The following ASH1L variants were observed in gnomAD, a reference collection of about 807,000 sequenced individuals.
ASH1L encodes the protein histone-lysine N-methyltransferase ASH1L.
In ASH1L, 23 loss-of-function variants were observed where a neutral mutation model predicts 269.0. That is an observed-to-expected ratio of 0.09 (90% CI 0.06 to 0.12). The LOEUF is 0.12. Ranked by LOEUF, ASH1L falls within the 10% of genes least tolerant of loss-of-function variation. The pLI is 1.00. For synonymous variants in ASH1L, 1,187 were observed against 1,253.5 expected, an observed-to-expected ratio of 0.95 and a Z score of 1.12; for missense variants, 2,912 against 3,567.8, an observed-to-expected ratio of 0.82 and a Z score of 4.68.
intron 25 of ASH1L, among the ~76,000 whole-genome samples, chr1:155,340,672 G>GA (rs1287632076): frequency 6.6e-6 from 1 of 151,586 alleles, no homozygotes; most frequent in East Asian, 1.9e-4. Context: ...CAATTTGAAA[G>GA]AAAAAATACC....
At chr1:155,547,667 G>A (rs544796872) in intron 1 of ASH1L, among the ~76,000 whole-genome samples, 14 of 151,958 alleles carry the variant, frequency 9.2e-5, no homozygotes, top group Middle Eastern at 3.4e-3. Context: ...AGGTTGTGGT[G>A]AGCTGAGATC....
chr1:155,357,465 T>C, intron 14 of ASH1L, 55 bp from the exon 15 acceptor site: 13 of 1,592,696 alleles, frequency 8.2e-6, no homozygotes, highest in Non-Finnish European at 1.0e-5. Flanking sequence ...TCAGAAATAA[T>C]CTCCAAGAAT....
chr1:155,541,273 A>G (rs1670409548), intron 1 of ASH1L, among the ~76,000 whole-genome samples: 1 of 152,172 alleles, frequency 6.6e-6, no homozygotes, highest in Non-Finnish European at 1.5e-5. Context: ...ACGTGTATAT[A>G]GATAAAAGAG....
chr1:155,377,234 T>G (rs1211375818), intron 10 of ASH1L, among the ~76,000 whole-genome samples: 1 of 152,146 alleles, frequency 6.6e-6, no homozygotes, highest in Non-Finnish European at 1.5e-5. Context: ...TCCAATTCAG[T>G]TAGATTCCAC....
At chr1:155,368,835 G>A (rs1222312235) in intron 12 of ASH1L, among the ~76,000 whole-genome samples, 1 of 152,158 alleles carries the variant, frequency 6.6e-6, no homozygotes, top group Non-Finnish European at 1.5e-5. Flanking sequence ...AAACAAACTG[G>A]TAAATTCACA....
chr1:155,504,426 T>C (rs1053572523), intron 2 of ASH1L, among the ~76,000 whole-genome samples: 9 of 152,162 alleles, frequency 5.9e-5, no homozygotes, highest in Non-Finnish European at 1.2e-4. Flanking sequence ...TGCAGTTCTG[T>C]AAGATAAAGA....
At chr1:155,397,698 C>CG (rs1658481104) in intron 6 of ASH1L, among the ~76,000 whole-genome samples, 1 of 151,896 alleles carries the variant, frequency 6.6e-6, no homozygotes. Context: ...TTACAGATGC[C>CG]AACTACTGGG....
intron 2 of ASH1L, among the ~76,000 whole-genome samples, chr1:155,485,428 C>G (rs1666275014): frequency 6.6e-6 from 1 of 152,154 alleles, no homozygotes; most frequent in African/African-American, 2.4e-5. Context: ...AAGCCATCCT[C>G]CCCCCGCTCA....
chr1:155,446,297 T>TA (rs1337506543), intron 4 of ASH1L, among the ~76,000 whole-genome samples: 11 of 150,436 alleles, frequency 7.3e-5, no homozygotes, highest in Non-Finnish European at 1.6e-4. Flanking sequence ...ATTAATTAAT[T>TA]AAATTTTTTT....
At chr1:155,347,927 T>C in intron 19 of ASH1L, 23 bp from the exon 20 acceptor site, 6 of 1,611,318 alleles carry the variant, frequency 3.7e-6, no homozygotes, top group Non-Finnish European at 5.1e-6. Context: ...AATAAAGAAA[T>C]CATGTTTGGT....
At chr1:155,492,921 T>C (rs1432975266) in intron 2 of ASH1L, among the ~76,000 whole-genome samples, 1 of 152,072 alleles carries the variant, frequency 6.6e-6, no homozygotes, top group East Asian at 1.9e-4. Context: ...CCCCCCAAGC[T>C]CTAGCCAACA....
chr1:155,416,929 T>C (rs1660259024), intron 5 of ASH1L, among the ~76,000 whole-genome samples: 1 of 149,776 alleles, frequency 6.7e-6, no homozygotes. Flanking sequence ...TCTTTCCTTT[T>C]CTTTTTTTTT....
chr1:155,513,586 A>G (rs540252698), intron 2 of ASH1L, among the ~76,000 whole-genome samples: 1 of 151,990 alleles, frequency 6.6e-6, no homozygotes, highest in African/African-American at 2.4e-5. Context: ...AAAAAAAAAA[A>G]AAAGAATTAC....
chr1:155,463,586 C>T (rs1570891722), intron 3 of ASH1L, among the ~76,000 whole-genome samples: 1 of 151,796 alleles, frequency 6.6e-6, no homozygotes, highest in African/African-American at 2.4e-5. Flanking sequence ...TGAGTTCAGG[C>T]GTTCAAGACT....
At position 155,395,439 on chromosome 1, in the gene ASH1L, T is replaced by C. The variant is rs369687438; in HGVS notation, c.6103+20A>G. 8 of 1,557,214 alleles carry C rather than the reference T, an allele frequency of 5.1e-6. No homozygotes were observed. The African/African-American group carries it at 1.1e-4, about 21-fold the overall frequency. On this transcript the variant is annotated intron_variant, in intron 7 of 27. Coordinates refer to ENST00000392403, the MANE Select transcript of ASH1L (RefSeq NM_018489.3). Reference sequence around the variant, plus strand: ...ATACTGTTTCTTCTCAGCAATACATTGTGTGGACTCGGTACTTACCAACAT... The same window carrying C: ...ATACTGTTTCTTCTCAGCAATACATCGTGTGGACTCGGTACTTACCAACAT...
At chr1:155,347,622 G>A (rs770029846) in intron 20 of ASH1L, 34 bp downstream of exon 20, 24 of 1,610,950 alleles carry the variant, frequency 1.5e-5, no homozygotes, top group Non-Finnish European at 1.8e-5. Context: ...GTGTTCATCA[G>A]GACCAAGCTT....
rs747316217 is a variant in ASH1L, at chr1:155,481,852, T to G, written c.1018A>C (p.Lys340Gln). 6.2e-7 allele frequency: 1 copy of G among 1,614,180 alleles called. No individual in the cohort carries two copies. The highest frequency in any genetic ancestry group is 1.1e-5 in the South Asian group (1 of 91,074). ...GGAACAATACCAATTCCTAGCTTCT[T>G]TCCTGAATCTTTGCTTAGCAGTCCT... The part of the protein sequence containing the change: ...TVGLLSKDSG[K>Q]KLGIGIVPGL... Residue 340 changes from lysine to glutamine, a missense_variant, in exon 3 of 28, where the codon AAG becomes CAG. Around this residue, in one of 13 missense-constraint regions of ASH1L, gnomAD observed 277 missense variants for 367.7 expected, o/e 0.75. Coordinates refer to ENST00000392403, the MANE Select transcript of ASH1L (RefSeq NM_018489.3).
chr1:155,448,944 T>G lies in ASH1L; in HGVS notation c.5087-9876A>C, dbSNP rs781220811. 1.6e-3 allele frequency among the ~76,000 whole-genome samples: 227 copies of G among 139,428 alleles called. 1 individual carries two copies. Among genetic ancestry groups the G allele is most frequent in the African/African-American group, 5.8e-4 (18 of 30,856 alleles). 91.5% of individuals were successfully genotyped at this position (139,428 alleles called of 152,430 possible). ...CACAAATTTCTATGTGTGTGTGTGT[T>G]TTTTTTTTTAAACGGAGTCTCGCTT... On this transcript the variant is annotated intron_variant, in intron 4 of 27. Coordinates refer to ENST00000392403, the MANE Select transcript of ASH1L (RefSeq NM_018489.3).
Position 155,352,647 on chromosome 1 carries a change from T to TAA in ASH1L, c.7366+57_7366+58dup, listed in dbSNP as rs150033711. 4.3e-4 allele frequency: 577 copies of TAA among 1,339,530 alleles called. 1 individual carries two copies. The highest frequency in any genetic ancestry group is 1.4e-3 in the Middle Eastern group (5 of 3,570). The allele number at this position is 1,339,530 out of a possible 1,614,324, so 83.0% of individuals were successfully genotyped here. On this transcript the variant is annotated intron_variant, in intron 17 of 27. Coordinates refer to ENST00000392403, the MANE Select transcript of ASH1L (RefSeq NM_018489.3). ...TAGCAAGACCCTATCTCTATTTATT[T>TAA]AAAAAAAAAAGAAAAAGAAAAAGAA... is the stretch of plus-strand genomic sequence containing the variant.
Sources: gnomAD v4.1 joint callset for allele counts (sites outside exome capture counted in the v4.1 genomes callset) on GRCh38, gnomAD v4.1.1 for gene constraint, gnomAD v4.1.1 regional missense constraint, MANE v1.5 for transcripts, NCBI Gene and HGNC (gene_info 2026-07-23, HGNC 2026-07-21) for gene names.